MAP3K5: variants seen among roughly 807,000 people sequenced by gnomAD.
MAP3K5 encodes mitogen-activated protein kinase kinase kinase 5, also known as ASK-1.
A neutral mutation model predicts 158.7 loss-of-function variants in MAP3K5; 56 were observed. The ratio of observed to expected loss-of-function variants is 0.35; its 90% CI spans 0.28 to 0.44. MAP3K5 has a LOEUF of 0.44. Among genes scored for constraint, MAP3K5 ranks in the 20% least tolerant of loss-of-function variants. The pLI, the probability that MAP3K5 is intolerant of heterozygous loss-of-function variation, is 1.00. For synonymous variants in MAP3K5, 579 were observed against 601.7 expected (o/e 0.96, Z 0.55); for missense variants, 1,294 against 1,674.8 (o/e 0.77, Z 3.97).
Position 136,558,865 on chromosome 6 carries a change from T to G in MAP3K5, c.3999A>C (p.Glu1333Asp). 1 of 1,589,758 alleles carries G rather than the reference T, an allele frequency of 6.3e-7. No homozygotes were observed. The highest frequency in any genetic ancestry group is 8.6e-7 in the Non-Finnish European group (1 of 1,159,700). The change falls in exon 29 of 30, where the codon GAA becomes GAC. Residue 1333 changes from glutamate to aspartate, a missense_variant. By Grantham distance (45) the Glu-to-Asp change is conservative. Coordinates refer to ENST00000359015, the MANE Select transcript of MAP3K5 (RefSeq NM_005923.4). ...AGAGAACATCCAATAGTGTATAATC[T>G]TCAGCCAAAAACTGTAGAGAAAGTA... ...DEDTISRFLAEDYTLLDVLYY... is the reference protein window; with the variant it reads ...DEDTISRFLADDYTLLDVLYY...
intron 1 of MAP3K5, among the ~76,000 whole-genome samples, chr6:136,747,411 G>A (rs765849760): frequency 1.3e-5 from 2 of 152,220 alleles, no homozygotes; most frequent in Non-Finnish European, 2.9e-5. Flanking sequence ...TCTGGCCAAA[G>A]AATGTACAGG....
chr6:136,602,460 C>G lies in MAP3K5; in HGVS notation c.2680-481G>C, dbSNP rs139041517. 4.5e-4 allele frequency among the ~76,000 whole-genome samples: 69 copies of G among 152,186 alleles called. No individual in the cohort carries two copies. The East Asian group carries it at 9.9e-3, about 22-fold the overall frequency. On this transcript the variant is annotated intron_variant, in intron 19 of 29. Coordinates refer to ENST00000359015, the MANE Select transcript of MAP3K5 (RefSeq NM_005923.4). The stretch of plus-strand genomic sequence containing the variant: ...CTCGGACTACAGGCATATGCCACCA[C>G]GCCTGGCTAATTTTTTGTACTTTTT...
chr6:136,779,183 G>A (rs777252872), intron 1 of MAP3K5, among the ~76,000 whole-genome samples: 1 of 152,048 alleles, frequency 6.6e-6, no homozygotes, highest in Non-Finnish European at 1.5e-5. Flanking sequence ...GGAGGCAGAG[G>A]TTGCAGTGAG....
intron 21 of MAP3K5, among the ~76,000 whole-genome samples, chr6:136,593,916 C>T (rs1583238510): frequency 6.6e-6 from 1 of 152,246 alleles, no homozygotes; most frequent in East Asian, 1.9e-4. Flanking sequence ...GGATAGGGGA[C>T]TCATGACATT....
At chr6:136,751,758 G>A (rs1446238199) in intron 1 of MAP3K5, among the ~76,000 whole-genome samples, 1 of 152,216 alleles carries the variant, frequency 6.6e-6, no homozygotes, top group Non-Finnish European at 1.5e-5. Context: ...TATACAGAAA[G>A]TAGATTTAGG....
intron 21 of MAP3K5, among the ~76,000 whole-genome samples, chr6:136,600,294 C>T (rs1442585561): frequency 6.6e-6 from 1 of 150,864 alleles, no homozygotes. Context: ...CAGTCTCAAG[C>T]GATCCTCCCA....
intron 1 of MAP3K5, among the ~76,000 whole-genome samples, chr6:136,789,039 T>C (rs1254579896): frequency 6.6e-6 from 1 of 152,114 alleles, no homozygotes; most frequent in African/African-American, 2.4e-5. Context: ...GGCTCACGCC[T>C]GTAATCCCAA....
intron 25 of MAP3K5, among the ~76,000 whole-genome samples, chr6:136,570,126 G>A (rs932900203): frequency 6.6e-6 from 1 of 152,154 alleles, no homozygotes; most frequent in African/African-American, 2.4e-5. Flanking sequence ...TTAAGAGCCC[G>A]TGTGTACAGG....
At chr6:136,782,891 TA>T (rs1784676424) in intron 1 of MAP3K5, among the ~76,000 whole-genome samples, 1 of 152,230 alleles carries the variant, frequency 6.6e-6, no homozygotes, top group Admixed American at 6.5e-5. Flanking sequence ...TTTGAACACT[TA>T]GACAAGATTT....
At chr6:136,716,795 C>T (rs746138754) in intron 2 of MAP3K5, among the ~76,000 whole-genome samples, 13 of 152,046 alleles carry the variant, frequency 8.6e-5, no homozygotes, top group Non-Finnish European at 1.6e-4. Context: ...TTAGTAGGCA[C>T]GAGAGAAATT....
intron 18 of MAP3K5, among the ~76,000 whole-genome samples, chr6:136,606,728 G>A (rs746320717): frequency 3.9e-5 from 6 of 152,170 alleles, no homozygotes; most frequent in Non-Finnish European, 8.8e-5. Flanking sequence ...TTTGCCAAAA[G>A]AACTGCTTCA....
chr6:136,772,239 G>T (rs9402846), intron 1 of MAP3K5, among the ~76,000 whole-genome samples: 4 of 151,266 alleles, frequency 2.6e-5, no homozygotes, highest in Admixed American at 1.3e-4. Flanking sequence ...TTATTTTGAG[G>T]GGGGGGGAGA....
At chr6:136,590,511 C>G (rs1013418048) in intron 23 of MAP3K5, among the ~76,000 whole-genome samples, 1 of 151,662 alleles carries the variant, frequency 6.6e-6, no homozygotes, top group East Asian at 1.9e-4. Context: ...GGGCCACTGT[C>G]TGTGTGGAGT....
chr6:136,605,174 T>A (rs529237298), intron 19 of MAP3K5, 35 bp downstream of exon 19: 2 of 1,601,272 alleles, frequency 1.2e-6, no homozygotes, highest in South Asian at 2.2e-5. Context: ...ATAAAAAGCT[T>A]TATCCATTTG....
intron 1 of MAP3K5, among the ~76,000 whole-genome samples, chr6:136,780,057 A>C (rs917210237): frequency 6.6e-6 from 1 of 152,166 alleles, no homozygotes; most frequent in Non-Finnish European, 1.5e-5. Context: ...GTTGTCAAAG[A>C]CTTGGAAAAG....
intron 1 of MAP3K5, among the ~76,000 whole-genome samples, chr6:136,773,028 T>C (rs1223024420): frequency 1.3e-5 from 2 of 152,218 alleles, no homozygotes; most frequent in African/African-American, 4.8e-5. Context: ...AGTTAAGAGA[T>C]TCTCGGAAGG....
At chr6:136,670,898 A>G (rs1366026437) in intron 7 of MAP3K5, among the ~76,000 whole-genome samples, 1 of 152,208 alleles carries the variant, frequency 6.6e-6, no homozygotes, top group Non-Finnish European at 1.5e-5. Context: ...TAATGTTTCC[A>G]GAAGTATACA....
At chr6:136,623,106 A>T in intron 14 of MAP3K5, 125 bp from the exon 15 acceptor site, 1 of 808,420 alleles carries the variant, frequency 1.2e-6, no homozygotes, top group South Asian at 1.6e-5. Context: ...CTGAAGTTCT[A>T]AGAAGCAGCT....
intron 14 of MAP3K5, chr6:136,636,949 T>C (rs1249544254): frequency 9.7e-7 from 1 of 1,028,808 alleles, no homozygotes; most frequent in African/African-American, 1.7e-5. Context: ...TGTAGCATAT[T>C]AATGCCTGCC....
Sources: allele counts gnomAD v4.1 joint callset (sites outside exome capture counted in the v4.1 genomes callset), GRCh38; gene constraint gnomAD v4.1.1; transcripts MANE v1.5; gene names NCBI Gene and HGNC (gene_info 2026-07-23, HGNC 2026-07-21).